Variants in IPO5 observed in about 807,000 individuals in gnomAD.
The protein encoded by IPO5 is importin-5.
A neutral mutation model predicts 143.3 loss-of-function variants in IPO5; 18 were observed. That is an observed-to-expected ratio of 0.13 (90% confidence interval 0.09 to 0.19). The LOEUF (loss-of-function observed/expected upper bound fraction) is 0.19, where lower values mean the gene tolerates loss of function less well. Ranked by LOEUF, IPO5 falls within the 10% of genes least tolerant of loss-of-function variation. The pLI, the probability that IPO5 is intolerant of heterozygous loss-of-function variation, is 1.00. For synonymous variants in IPO5, 477 were observed against 465.7 expected, an observed-to-expected ratio of 1.02 and a Z score of -0.31; for missense variants, 1,013 against 1,336.9, an observed-to-expected ratio of 0.76 and a Z score of 3.78.
chr13:98,009,261 T>C (rs145102406), intron 18 of IPO5, among the ~76,000 whole-genome samples: 48 of 152,338 alleles, frequency 3.2e-4, no homozygotes, highest in African/African-American at 1.1e-3. Flanking sequence ...ATGACAGATA[T>C]CAGGGGATAA....
chr13:97,966,575 G>GT (rs977641925), intron 2 of IPO5, among the ~76,000 whole-genome samples: 1 of 151,466 alleles, frequency 6.6e-6, no homozygotes, highest in African/African-American at 2.4e-5. Context: ...AGTTTTTTTT[G>GT]TTTTTGGCAG....
intron 22 of IPO5, among the ~76,000 whole-genome samples, chr13:98,015,146 A>G (rs536215488): frequency 2.6e-5 from 4 of 151,726 alleles, no homozygotes; most frequent in African/African-American, 7.3e-5. Context: ...CTTTGCCTAT[A>G]TTTTATTTCT....
At chr13:97,990,273 C>T (rs775623780) in intron 8 of IPO5, 51 bp downstream of exon 8, 78 of 1,350,992 alleles carry the variant, frequency 5.8e-5, no homozygotes, top group Middle Eastern at 1.8e-4. Context: ...ATCTAATTTG[C>T]GAAAGAAATT....
intron 20 of IPO5, among the ~76,000 whole-genome samples, chr13:98,010,457 A>C (rs1479402391): frequency 2.0e-5 from 3 of 152,202 alleles, no homozygotes; most frequent in Non-Finnish European, 4.4e-5. Context: ...TGGGAAGATG[A>C]ATTACTGTGC....
chr13:97,963,472 C>A (rs1313399562), intron 2 of IPO5, among the ~76,000 whole-genome samples: 1 of 151,462 alleles, frequency 6.6e-6, no homozygotes, highest in Non-Finnish European at 1.5e-5. Context: ...TGGGTTCAAG[C>A]AATTCCCTTG....
At position 98,024,156 on chromosome 13, in the gene IPO5, A is replaced by T. The variant is rs890223333; in HGVS notation, c.*2334A>T. On this transcript the variant is annotated 3_prime_UTR_variant, in exon 29 of 29. Transcript: ENST00000651721. ...CATAACTCAATTTGGAGTATTTTTT[A>T]AATGCTGTATCTTTAAAGAAAAGTA... 10 of 152,182 alleles carry T rather than the reference A, an allele frequency of 6.6e-5. No homozygotes were observed. The highest frequency in any genetic ancestry group is 2.4e-4 in the African/African-American group (10 of 41,450). The allele number at this position is 152,182 out of a possible 1,614,324, so 9.4% of individuals were successfully genotyped here.
At chr13:97,958,301 C>T (rs1884599490) in intron 2 of IPO5, among the ~76,000 whole-genome samples, 1 of 152,118 alleles carries the variant, frequency 6.6e-6, no homozygotes, top group Non-Finnish European at 1.5e-5. Context: ...TCCTGTGTCC[C>T]ACAAAAGTGC....
At chr13:97,996,501 C>G (rs1340664117) in intron 11 of IPO5, among the ~76,000 whole-genome samples, 1 of 152,172 alleles carries the variant, frequency 6.6e-6, no homozygotes, top group East Asian at 1.9e-4. Flanking sequence ...GCTTATTCCA[C>G]CCCCAGGGCA....
chr13:97,995,153 ATCTTTCTTTCATTCTT>A (rs1434507060), intron 11 of IPO5, among the ~76,000 whole-genome samples: 1 of 140,206 alleles, frequency 7.1e-6, no homozygotes, highest in East Asian at 2.3e-4. Flanking sequence ...TTTCTGGGAT[ATCTTTCTTTCATTCTT>A]TCTTTCTTTG....
chr13:98,018,971 CTTTTT>C (rs35835887), intron 26 of IPO5, among the ~76,000 whole-genome samples: 1 of 148,958 alleles, frequency 6.7e-6, no homozygotes, highest in Non-Finnish European at 1.5e-5. Context: ...TAGAATAGGA[CTTTTT>C]TTTTTTTCTT....
At chr13:98,008,174 G>A (rs777971995) in intron 18 of IPO5, 32 bp downstream of exon 18, 7 of 1,287,296 alleles carry the variant, frequency 5.4e-6, no homozygotes, top group Admixed American at 1.7e-5. Context: ...GCTTTGATCC[G>A]CTAATGAGTT....
At chr13:97,958,447 A>G (rs1216561038) in intron 2 of IPO5, among the ~76,000 whole-genome samples, 1 of 152,106 alleles carries the variant, frequency 6.6e-6, no homozygotes, top group East Asian at 1.9e-4. Context: ...CCATCGGGAG[A>G]GGACTCATCA....
At chr13:97,966,115 C>T (rs1885310001) in intron 2 of IPO5, among the ~76,000 whole-genome samples, 1 of 118,028 alleles carries the variant, frequency 8.5e-6, no homozygotes, top group African/African-American at 3.3e-5. Flanking sequence ...GCCTGGGTGA[C>T]AGAGCAAGGC....
chr13:97,957,991 T>C (rs1284324500), intron 2 of IPO5, among the ~76,000 whole-genome samples: 1 of 151,760 alleles, frequency 6.6e-6, no homozygotes, highest in Non-Finnish European at 1.5e-5. Context: ...TGAGACTCTG[T>C]CTCAGAAAAA....
At position 98,000,528 on chromosome 13, in the gene IPO5, T is replaced by C. The variant is rs1283100584; in HGVS notation, c.1002-11T>C. 1.9e-6 allele frequency: 3 copies of C among 1,580,700 alleles called. 1 individual carries two copies. Among genetic ancestry groups the C allele is most frequent in the South Asian group, 2.2e-5 (2 of 90,410 alleles). On this transcript the variant is annotated splice_polypyrimidine_tract_variant and intron_variant, in intron 12 of 28. Coordinates refer to ENST00000651721, the MANE Select transcript of IPO5 (RefSeq NM_002271.6). ...GATATATTGAGTACATAATTCTGTTTATGTGTTTAGCAATGCAGTTGCAGG... is the reference window on the plus strand; with the variant it reads ...GATATATTGAGTACATAATTCTGTTCATGTGTTTAGCAATGCAGTTGCAGG...
At chr13:97,969,629 A>G (rs1885655626) in intron 2 of IPO5, 94 bp from the exon 3 acceptor site, 2 of 678,440 alleles carry the variant, frequency 2.9e-6, no homozygotes, top group East Asian at 5.7e-5. Flanking sequence ...ACTGATAAGG[A>G]TTTATTCTTC....
intron 3 of IPO5, among the ~76,000 whole-genome samples, chr13:97,974,976 C>G (rs1229754126): frequency 6.6e-6 from 1 of 152,244 alleles, no homozygotes; most frequent in Non-Finnish European, 1.5e-5. Context: ...ATTCTAAACA[C>G]AGTGGCCAAG....
intron 27 of IPO5, among the ~76,000 whole-genome samples, chr13:98,020,212 G>A (rs1445366549): frequency 6.6e-5 from 10 of 152,182 alleles, no homozygotes; most frequent in Admixed American, 3.3e-4. Flanking sequence ...CCCAGCCTAA[G>A]GGAATGTTGT....
In IPO5 at chr13:97,989,154, C is replaced by G; in HGVS notation, c.457C>G (p.His153Asp). 6.2e-7 allele frequency: 1 copy of G among 1,600,848 alleles called. No homozygotes were observed. Among genetic ancestry groups the G allele is most frequent in the South Asian group, 1.1e-5 (1 of 90,688 alleles). The change falls in exon 7 of 29, where the codon CAC becomes GAC. Residue 153 changes from histidine to aspartate, a missense_variant. His to Asp is a moderately conservative substitution (Grantham distance 81). Transcript: ENST00000651721. Reference protein sequence around the residue: ...QNVGLREAALHIFWNFPGIFG... With the variant: ...QNVGLREAALDIFWNFPGIFG... ...TGTGGGACTGCGGGAAGCTGCCCTT[C>G]ACATTTTCTGGTATATACATTAATC... is the stretch of plus-strand genomic sequence containing the variant.
Sources: allele counts gnomAD v4.1 joint callset (sites outside exome capture counted in the v4.1 genomes callset), GRCh38; gene constraint gnomAD v4.1.1; transcripts MANE v1.5; gene names NCBI Gene and HGNC (gene_info 2026-07-23, HGNC 2026-07-21).